CERS6: variants seen among roughly 807,000 people sequenced by gnomAD.
The protein encoded by CERS6 is LAG1 homolog, ceramide synthase 6.
Under a neutral mutation model 56.8 loss-of-function variants are expected in CERS6, and 26 were observed. The observed-to-expected ratio is 0.46, with a 90% confidence interval of 0.34 to 0.63. The LOEUF is 0.63. CERS6 is among the 30% of genes least tolerant of loss of function. The probability of loss-of-function intolerance (pLI) is 0.01; values close to 1 mark genes in which losing one functional copy is unlikely to be tolerated. For synonymous variants in CERS6, 164 were observed against 173.3 expected (o/e 0.95, Z 0.42); for missense variants, 415 against 467.5 (o/e 0.89, Z 1.04).
intron 1 of CERS6, among the ~76,000 whole-genome samples, chr2:168,542,175 G>T (rs562121822): frequency 3.9e-5 from 6 of 151,946 alleles, no homozygotes; most frequent in African/African-American, 1.4e-4. Context: ...AAATCCATTA[G>T]CTCATTCCTA....
chr2:168,623,914 A>G (rs1301642912), intron 3 of CERS6, among the ~76,000 whole-genome samples: 2 of 152,202 alleles, frequency 1.3e-5, no homozygotes, highest in African/African-American at 4.8e-5. Context: ...TGTTAAATGT[A>G]GAAAAGTTTA....
chr2:168,736,372 G>T (rs1308734614), intron 8 of CERS6, among the ~76,000 whole-genome samples: 1 of 152,088 alleles, frequency 6.6e-6, no homozygotes. Context: ...TGTTGCCCAG[G>T]CTGGAGTACA....
intron 1 of CERS6, among the ~76,000 whole-genome samples, chr2:168,458,353 T>C (rs1693714337): frequency 6.6e-6 from 1 of 152,250 alleles, no homozygotes; most frequent in African/African-American, 2.4e-5. Context: ...CCTCCTTCTC[T>C]ATGCTGATTC....
chr2:168,619,586 T>C (rs1445018025), intron 3 of CERS6, among the ~76,000 whole-genome samples: 1 of 151,930 alleles, frequency 6.6e-6, no homozygotes, highest in Non-Finnish European at 1.5e-5. Context: ...GATATACAAA[T>C]GGCCAACAAA....
chr2:168,523,254 A>G (rs755285960), intron 1 of CERS6, among the ~76,000 whole-genome samples: 3 of 152,170 alleles, frequency 2.0e-5, no homozygotes, highest in Non-Finnish European at 4.4e-5. Flanking sequence ...TTTTACCGCA[A>G]GGAAGGAAGC....
intron 4 of CERS6, among the ~76,000 whole-genome samples, chr2:168,681,227 G>A (rs1686207285): frequency 6.6e-6 from 1 of 152,174 alleles, no homozygotes. Flanking sequence ...TCACTCTACT[G>A]AGTGCAAGGT....
chr2:168,473,035 A>C (rs1243750127), intron 1 of CERS6, among the ~76,000 whole-genome samples: 3 of 151,720 alleles, frequency 2.0e-5, no homozygotes, highest in Non-Finnish European at 4.4e-5. Context: ...TTTCATCTCA[A>C]TTTTTCTTAT....
chr2:168,633,225 GAATT>G (rs1267021631), intron 4 of CERS6, among the ~76,000 whole-genome samples: 1 of 149,396 alleles, frequency 6.7e-6, no homozygotes, highest in Admixed American at 6.7e-5. Flanking sequence ...TCTTCTTGTT[GAATT>G]AATTTGTGTG....
At chr2:168,620,600 C>G (rs1393718795) in intron 3 of CERS6, among the ~76,000 whole-genome samples, 1 of 152,030 alleles carries the variant, frequency 6.6e-6, no homozygotes, top group African/African-American at 2.4e-5. Context: ...AGACATTTTA[C>G]TCTATTGTTA....
intron 1 of CERS6, among the ~76,000 whole-genome samples, chr2:168,527,614 G>A (rs899408482): frequency 1.4e-4 from 21 of 152,152 alleles, no homozygotes; most frequent in African/African-American, 5.1e-4. Flanking sequence ...CTGCTTCCAA[G>A]ATGGCACCTT....
chr2:168,725,984 A>T (rs1050667069), intron 8 of CERS6, among the ~76,000 whole-genome samples: 2 of 152,192 alleles, frequency 1.3e-5, no homozygotes, highest in Admixed American at 1.3e-4. Context: ...TAGTCCACTT[A>T]TGTGTAATCT....
rs577578193 is a variant in CERS6 at position 168,488,780 on chromosome 2, C to T, written c.170+32162C>T. Among the ~76,000 whole-genome samples the T allele has an allele frequency of 2.0e-5, 3 of 152,122 alleles. No individual in the cohort carries two copies. The East Asian group carries it at 5.8e-4, about 29-fold the overall frequency. Reference sequence around the variant, plus strand: ...TACACCAAAACTTTCACACTCTACTCAAGAGTTAATGTTATATTCTTTAAG... The same window carrying T: ...TACACCAAAACTTTCACACTCTACTTAAGAGTTAATGTTATATTCTTTAAG... On this transcript the variant is annotated intron_variant, in intron 1 of 9. Transcript: ENST00000305747.
At chr2:168,754,350 A>T (rs1684360631) in intron 8 of CERS6, among the ~76,000 whole-genome samples, 1 of 152,198 alleles carries the variant, frequency 6.6e-6, no homozygotes. Flanking sequence ...TACATAACTA[A>T]ATAATACATA....
intron 4 of CERS6, among the ~76,000 whole-genome samples, chr2:168,685,150 T>C (rs1431991688): frequency 6.6e-6 from 1 of 152,218 alleles, no homozygotes; most frequent in Non-Finnish European, 1.5e-5. Flanking sequence ...GTAAGAGTTT[T>C]CACGGAAATA....
chr2:168,608,467 A>G (rs919913718), intron 3 of CERS6, among the ~76,000 whole-genome samples: 3 of 152,220 alleles, frequency 2.0e-5, no homozygotes, highest in African/African-American at 4.8e-5. Context: ...GAAATTATCA[A>G]ACTTTCTAAG....
intron 8 of CERS6, among the ~76,000 whole-genome samples, chr2:168,724,224 G>A (rs1182932548): frequency 2.6e-5 from 4 of 151,388 alleles, no homozygotes; most frequent in Admixed American, 1.3e-4. Flanking sequence ...CTCTTAAGAC[G>A]GTGCGTCTGG....
rs56340726 is a variant in CERS6, at chr2:168,552,349, T to TACACACAC, written c.276+4683_276+4690dup. ...AAACCCCCACCCTACATACAGAGTATACACACACACACACACACACACACA... is the reference window on the plus strand; with the variant it reads ...AAACCCCCACCCTACATACAGAGTATACACACACACACACACACACACACACACACACA... On this transcript the variant is annotated intron_variant, in intron 2 of 9. Transcript: ENST00000305747. Among the ~76,000 whole-genome samples, 293 of 140,090 alleles carry TACACACAC rather than the reference T, an allele frequency of 2.1e-3. 1 individual carries two copies. The highest frequency in any genetic ancestry group is 6.5e-3 in the East Asian group (31 of 4,740). The allele number at this position is 140,090 out of a possible 152,430, so 91.9% of individuals were successfully genotyped here.
intron 6 of CERS6, among the ~76,000 whole-genome samples, chr2:168,702,657 A>G (rs1686834364): frequency 6.6e-6 from 1 of 152,228 alleles, no homozygotes; most frequent in African/African-American, 2.4e-5. Context: ...TGATGTTATA[A>G]AATCATGCAT....
intron 3 of CERS6, among the ~76,000 whole-genome samples, chr2:168,630,488 T>G (rs572108596): frequency 6.6e-6 from 1 of 152,318 alleles, no homozygotes; most frequent in South Asian, 2.1e-4. Context: ...TTTATTTAGA[T>G]TCTATATGCC....
Sources: allele counts gnomAD v4.1 joint callset (sites outside exome capture counted in the v4.1 genomes callset), GRCh38; gene constraint gnomAD v4.1.1; transcripts MANE v1.5; gene names NCBI Gene and HGNC (gene_info 2026-07-23, HGNC 2026-07-21).